The following ABLIM2 variants were observed in gnomAD, a reference collection of about 807,000 sequenced individuals.
ABLIM2 encodes the protein actin-binding LIM protein 2.
ABLIM2 carries 53 observed loss-of-function variants against 97.7 expected under a neutral mutation model. The ratio of observed to expected loss-of-function variants is 0.54; its 90% confidence interval spans 0.44 to 0.68. The LOEUF (loss-of-function observed/expected upper bound fraction) is 0.68, where lower values mean the gene tolerates loss of function less well. Ranked by LOEUF, ABLIM2 falls within the 30% of genes least tolerant of loss-of-function variation. ABLIM2 has a pLI of 0.00. For missense variants in ABLIM2, 835 were observed against 867.2 expected, an observed-to-expected ratio of 0.96 and a Z score of 0.47; for synonymous variants, 361 against 345.8, an observed-to-expected ratio of 1.04 and a Z score of -0.49.
At chr4:8,158,014 C>A (rs1253152796) in intron 1 of ABLIM2, among the ~76,000 whole-genome samples, 1 of 152,254 alleles carries the variant, frequency 6.6e-6, no homozygotes, top group Non-Finnish European at 1.5e-5. Flanking sequence ...CGGCTGGGCT[C>A]CAGCGCTGTG....
At chr4:8,066,446 A>T (rs1807770094) in intron 6 of ABLIM2, 1 of 150,914 alleles carries the variant, frequency 6.6e-6, no homozygotes, top group Non-Finnish European at 1.5e-5. Flanking sequence ...GTGGTTCCAC[A>T]TAAAAACCTG....
rs1279622834 is a variant in ABLIM2 at position 8,005,522 on chromosome 4, G to A, written c.1618+2537C>T. On this transcript the variant is annotated intron_variant, in intron 16 of 20. Transcript: ENST00000447017. The surrounding 1 kb of genome is among the most constrained non-coding windows in gnomAD (Gnocchi z 4.9). ...CTGGTGCCCACGGACTCAGGTCTGG[G>A]GGCTACTTGGTGACAATCAAAAGAA... 7 of 507,858 alleles carry A rather than the reference G, an allele frequency of 1.4e-5. No homozygotes were observed. Among genetic ancestry groups the A allele is most frequent in the African/African-American group, 7.8e-5 (4 of 51,560 alleles). 31.5% of individuals were successfully genotyped at this position (507,858 alleles called of 1,614,324 possible).
Position 8,128,573 on chromosome 4 carries a change from A to G in ABLIM2, c.11-21936T>C, listed in dbSNP as rs902668501. ...AGGCTCTAAAACACGAATGCACTAA[A>G]CCTCCAGTGACCTTGCACAGCAGGT... On this transcript the variant is annotated intron_variant, in intron 1 of 20. Transcript: ENST00000447017. This position sits in a 1 kb window ranked among gnomAD's most constrained non-coding sequence, Gnocchi z 4.9. Among the ~76,000 whole-genome samples, 8 of 152,064 alleles carry G rather than the reference A, an allele frequency of 5.3e-5. No individual in the cohort carries two copies. The highest frequency in any genetic ancestry group is 1.9e-4 in the African/African-American group (8 of 41,372).
chr4:8,098,124 A>C (rs12505302), intron 2 of ABLIM2, among the ~76,000 whole-genome samples: 1 of 152,010 alleles, frequency 6.6e-6, no homozygotes, highest in Non-Finnish European at 1.5e-5. Flanking sequence ...CAGGCCATGC[A>C]TGGTTTCAGA....
chr4:8,080,697 A>G lies in ABLIM2; in HGVS notation c.560T>C (p.Leu187Pro), dbSNP rs1819272007. ...TTACTTGCTGATGTACTCGGCATTC[A>G]GGAGCTTCCCACAGCTCTTGCACTT... ...CFKCKSCGKL[L>P]NAEYISKDGL... The change falls in exon 5 of 21, where the codon CTG (leucine) becomes CCG (proline). Residue 187 changes from leucine to proline, a missense_variant. By Grantham distance (98) the Leu-to-Pro change is moderately conservative. Transcript: ENST00000447017. 5.0e-6 allele frequency: 8 copies of G among 1,610,128 alleles called. No individual in the cohort carries two copies. Among genetic ancestry groups the G allele is most frequent in the Non-Finnish European group, 6.8e-6 (8 of 1,177,292 alleles).
At chr4:7,972,182 G>C (rs1004088657) in intron 20 of ABLIM2, among the ~76,000 whole-genome samples, 2 of 152,190 alleles carry the variant, frequency 1.3e-5, no homozygotes, top group Admixed American at 1.3e-4. Context: ...AGCCTATGGG[G>C]CACAGAGGGG....
chr4:8,119,076 C>A (rs1347571059), intron 1 of ABLIM2, among the ~76,000 whole-genome samples: 1 of 152,124 alleles, frequency 6.6e-6, no homozygotes, highest in East Asian at 1.9e-4. Context: ...TGCCAGGGAT[C>A]CTCTAGAGAC....
rs1011399832 is a variant in ABLIM2 at position 8,069,828 on chromosome 4, C to T, written c.675+7800G>A. Among the ~76,000 whole-genome samples, 1 of 151,152 alleles carries T rather than the reference C, an allele frequency of 6.6e-6. No individual in the cohort carries two copies. The highest frequency in any genetic ancestry group is 2.4e-5 in the African/African-American group (1 of 41,076). On this transcript the variant is annotated intron_variant, in intron 6 of 20. Transcript: ENST00000447017. This position sits in a 1 kb window ranked among gnomAD's most constrained non-coding sequence, Gnocchi z 4.2. ...TGTCTCTATGTGTTGTCTGTGTGTA[C>T]GTGTCTGTGGGTGCCGTGTGTGTTT...
At chr4:8,077,981 AG>A (rs1475703038) in intron 5 of ABLIM2, among the ~76,000 whole-genome samples, 1 of 152,188 alleles carries the variant, frequency 6.6e-6, no homozygotes, top group South Asian at 2.1e-4. Flanking sequence ...AGTGGGTGGG[AG>A]GGGCTGACAG....
intron 12 of ABLIM2, among the ~76,000 whole-genome samples, chr4:8,025,997 T>G (rs1777077224): frequency 6.6e-6 from 1 of 152,234 alleles, no homozygotes; most frequent in African/African-American, 2.4e-5. Context: ...GGGCCCTTTC[T>G]GGCTTTGCTT....
chr4:8,133,942 G>A lies in ABLIM2; in HGVS notation c.10+24738C>T, dbSNP rs568383848. 3.3e-5 allele frequency among the ~76,000 whole-genome samples: 5 copies of A among 152,238 alleles called. No homozygotes were observed. In the South Asian group the frequency reaches 6.2e-4, roughly 19 times the overall value. The stretch of plus-strand genomic sequence containing the variant: ...CCTGTCAGGCACCAGAGCAAGGCAC[G>A]TGGGGACATGGGGGTCTCGTCATGC... On this transcript the variant is annotated intron_variant, in intron 1 of 20. Coordinates refer to ENST00000447017, the MANE Select transcript of ABLIM2 (RefSeq NM_001130083.2).
rs1051997922 is a variant in ABLIM2, at chr4:8,022,786, T to A, written c.1268-2483A>T. ...CACCTGGAGCACTGTGCTGCTAGGCTCACATCCCAGGGGGCTTCTGATATG... is the reference window on the plus strand; with the variant it reads ...CACCTGGAGCACTGTGCTGCTAGGCACACATCCCAGGGGGCTTCTGATATG... On this transcript the variant is annotated intron_variant, in intron 12 of 20. Transcript: ENST00000447017. This position sits in a 1 kb window ranked among gnomAD's most constrained non-coding sequence, Gnocchi z 7.8. 12 of 152,640 alleles carry A rather than the reference T, an allele frequency of 7.9e-5. No individual in the cohort carries two copies. Among genetic ancestry groups the A allele is most frequent in the African/African-American group, 2.2e-4 (9 of 41,596 alleles). 9.5% of individuals were successfully genotyped at this position (152,640 alleles called of 1,614,324 possible). A position where few individuals can be genotyped will look rare whatever the true frequency, so the allele number is the denominator to read the frequency against.
chr4:7,984,920 C>G (rs779625015), intron 17 of ABLIM2, 27 bp from the exon 18 acceptor site: 8 of 1,604,396 alleles, frequency 5.0e-6, no homozygotes, highest in Middle Eastern at 3.3e-4. Context: ...GGTTGGGCGG[C>G]AAGAGACAGG....
intron 6 of ABLIM2, among the ~76,000 whole-genome samples, chr4:8,063,716 A>G (rs1461796889): frequency 1.3e-5 from 2 of 152,262 alleles, no homozygotes; most frequent in Non-Finnish European, 2.9e-5. Context: ...CCCTGCTCAC[A>G]TGCTCACTGC....
intron 8 of ABLIM2, among the ~76,000 whole-genome samples, chr4:8,045,463 A>G (rs1232610468): frequency 6.6e-6 from 1 of 152,232 alleles, no homozygotes; most frequent in East Asian, 1.9e-4. Flanking sequence ...AGTCTGACCA[A>G]CATGGTGAAA....
chr4:8,115,132 G>A (rs933207009), intron 1 of ABLIM2, among the ~76,000 whole-genome samples: 2 of 152,168 alleles, frequency 1.3e-5, no homozygotes, highest in South Asian at 4.1e-4. Flanking sequence ...GTGCAGATGT[G>A]TGCAGATGAA....
intron 3 of ABLIM2, among the ~76,000 whole-genome samples, chr4:8,096,447 G>A (rs1207318621): frequency 6.6e-6 from 1 of 152,110 alleles, no homozygotes; most frequent in Non-Finnish European, 1.5e-5. Context: ...CTCAGGTCAC[G>A]CTACGATGAC....
intron 8 of ABLIM2, among the ~76,000 whole-genome samples, chr4:8,050,741 C>G (rs966296616): frequency 2.0e-5 from 3 of 152,008 alleles, no homozygotes; most frequent in Middle Eastern, 3.2e-3. Context: ...CCAGGCCCTC[C>G]GGACAGTTAG....
chr4:8,020,104 G>A (rs1001263036), intron 13 of ABLIM2, 98 bp downstream of exon 13: 39 of 1,108,954 alleles, frequency 3.5e-5, no homozygotes, highest in African/African-American at 1.7e-4. Flanking sequence ...GTCGTCTGGC[G>A]CCTGCTGAGT....
Sources: gnomAD v4.1 joint callset for allele counts (sites outside exome capture counted in the v4.1 genomes callset) on GRCh38, gnomAD v4.1.1 for gene constraint, Gnocchi (gnomAD v3.1) non-coding constraint, MANE v1.5 for transcripts, NCBI Gene and HGNC (gene_info 2026-07-23, HGNC 2026-07-21) for gene names.